The following ACSM3 variants were observed in gnomAD, a reference collection of about 807,000 sequenced individuals.
The protein encoded by ACSM3 is acyl-coenzyme A synthetase ACSM3, mitochondrial.
Under a neutral mutation model 74.1 loss-of-function variants are expected in ACSM3, and 61 were observed. That is an observed-to-expected ratio of 0.82 (90% CI 0.67 to 1.02). The LOEUF is 1.02. Among genes scored for constraint, ACSM3 ranks in the 50% least tolerant of loss-of-function variants. The pLI is 0.00. For missense variants in ACSM3, 660 were observed against 697.0 expected (o/e 0.95, Z 0.60); for synonymous variants, 213 against 241.5 (o/e 0.88, Z 1.09).
intron 12 of ACSM3, among the ~76,000 whole-genome samples, chr16:20,794,331 A>G (rs760435003): frequency 6.6e-6 from 1 of 152,214 alleles, no homozygotes; most frequent in Non-Finnish European, 1.5e-5. Flanking sequence ...TTGGGATCAC[A>G]TATCTCTTTG....
At chr16:20,748,552 A>G (rs1384491040) in intron 1 of ACSM3, among the ~76,000 whole-genome samples, 2 of 152,240 alleles carry the variant, frequency 1.3e-5, no homozygotes, top group African/African-American at 4.8e-5. Context: ...TCAGTTGCAC[A>G]TACAAATATT....
At chr16:20,738,105 A>G in intron 1 of ACSM3, 1 of 797,730 alleles carries the variant, frequency 1.3e-6, no homozygotes, top group Non-Finnish European at 2.1e-6. Flanking sequence ...TTCTTTCCAA[A>G]CAGTATTTCT....
intron 1 of ACSM3, chr16:20,737,323 A>T (rs2079879629): frequency 6.4e-7 from 1 of 1,561,512 alleles, no homozygotes; most frequent in Non-Finnish European, 8.6e-7. Flanking sequence ...GCTGAGGAGG[A>T]TACCATTACA....
chr16:20,721,951 T>TA (rs1390753763), intron 1 of ACSM3: 1 of 152,228 alleles, frequency 6.6e-6, no homozygotes, highest in African/African-American at 2.4e-5. Context: ...TGATTGATGT[T>TA]ACGGTCTGAG....
Position 20,777,530 on chromosome 16 carries a change from T to C in ACSM3, c.588T>C (p.Ile196=), listed in dbSNP as rs5714. 8.9e-3 allele frequency: 14,356 copies of C among 1,613,994 alleles called. 1,132 individuals are homozygous for C. In the African/African-American group the frequency reaches 0.17, roughly 19 times the overall value. Residue 196 remains isoleucine, a synonymous_variant, in exon 4 of 14, where the codon ATT becomes ATC. Coordinates refer to ENST00000289416, the MANE Select transcript of ACSM3 (RefSeq NM_005622.4). The stretch of plus-strand genomic sequence containing the variant: ...GTGAAAATCTGCACTCCAAGCTGAT[T>C]GTATCAGAGAACTCCAGAGAGGGGT... ...SKCENLHSKL[I]VSENSREGWG... is the part of the protein sequence containing the mutation.
chr16:20,735,768 T>G (rs961802683), intron 1 of ACSM3: 1 of 152,240 alleles, frequency 6.6e-6, no homozygotes, highest in Non-Finnish European at 1.5e-5. Context: ...TCATCCTGGA[T>G]AGAGAAGCTG....
chr16:20,792,622 A>G (rs2080627953), intron 12 of ACSM3: 3 of 985,410 alleles, frequency 3.0e-6, no homozygotes, highest in Non-Finnish European at 3.6e-6. Context: ...CCAGTAACCC[A>G]GGCTCACGTC....
rs573634081 is a variant in ACSM3 at position 20,792,069 on chromosome 16, T to C, written c.1394T>C (p.Met465Thr). Reference protein sequence around the residue: ...NFYITGDRGYMDKDGYFWFVA... With the variant: ...NFYITGDRGYTDKDGYFWFVA... ...TATATCACTGGGGACAGAGGATATATGGATAAAGATGGGTATTTCTGGTTT... is the reference window on the plus strand; with the variant it reads ...TATATCACTGGGGACAGAGGATATACGGATAAAGATGGGTATTTCTGGTTT... The change falls in exon 11 of 14, where the codon ATG becomes ACG. Residue 465 changes from methionine (M) to threonine (T), a missense_variant. Transcript: ENST00000289416. The C allele has an allele frequency of 6.2e-7, 1 of 1,614,170 alleles. No homozygotes were observed. Among genetic ancestry groups the C allele is most frequent in the East Asian group, 2.2e-5 (1 of 44,888 alleles).
At chr16:20,784,841 G>A (rs2080435554) in intron 7 of ACSM3, 143 bp from the exon 8 acceptor site, 1 of 722,682 alleles carries the variant, frequency 1.4e-6, no homozygotes, top group Non-Finnish European at 2.1e-6. Context: ...ATGTTTATGG[G>A]GTAAAATGGT....
At chr16:20,747,630 A>G (rs1174799314) in intron 1 of ACSM3, among the ~76,000 whole-genome samples, 4 of 152,208 alleles carry the variant, frequency 2.6e-5, no homozygotes, top group African/African-American at 9.6e-5. Flanking sequence ...TTCTTTGAGC[A>G]CTTCTAGATC....
intron 1 of ACSM3, among the ~76,000 whole-genome samples, chr16:20,724,474 C>G (rs1384479250): frequency 6.6e-6 from 1 of 152,180 alleles, no homozygotes; most frequent in Non-Finnish European, 1.5e-5. Flanking sequence ...TGGCACAAGA[C>G]AGGGATGCCC....
chr16:20,698,899 T>A (rs958871322), intron 1 of ACSM3: 1 of 152,198 alleles, frequency 6.6e-6, no homozygotes, highest in Admixed American at 6.5e-5. Context: ...TAGAACTAGA[T>A]GAAATAATTT....
chr16:20,771,099 C>T (rs2080187642), intron 2 of ACSM3, among the ~76,000 whole-genome samples: 1 of 152,136 alleles, frequency 6.6e-6, no homozygotes, highest in Non-Finnish European at 1.5e-5. Context: ...TCTATGAGCT[C>T]TTTTCAGGCT....
upstream of ACSM3, among the ~76,000 whole-genome samples, chr16:20,759,559 CAAAA>C (rs35117717): frequency 3.9e-5 from 3 of 76,142 alleles, no homozygotes; most frequent in South Asian, 4.4e-4. Context: ...GACTCCATCT[CAAAA>C]AAAAAAAAAA....
intron 1 of ACSM3, among the ~76,000 whole-genome samples, chr16:20,713,575 A>G (rs2079751132): frequency 6.6e-6 from 1 of 152,142 alleles, no homozygotes; most frequent in East Asian, 1.9e-4. Context: ...CATAATTTTC[A>G]ATTCTTGTCT....
At position 20,784,688 on chromosome 16, in the gene ACSM3, G is replaced by A. The variant is rs964388948; in HGVS notation, c.1020-296G>A. 2.9e-5 allele frequency: 5 copies of A among 171,596 alleles called. No individual in the cohort carries two copies. In the East Asian group the frequency reaches 4.9e-4, roughly 17 times the overall value. 10.6% of individuals were successfully genotyped at this position (171,596 alleles called of 1,614,324 possible). A position where few individuals can be genotyped will look rare whatever the true frequency, so the allele number is the denominator to read the frequency against. On this transcript the variant is annotated intron_variant, in intron 7 of 13. Coordinates refer to ENST00000289416, the MANE Select transcript of ACSM3 (RefSeq NM_005622.4). The stretch of plus-strand genomic sequence containing the variant: ...CCCTAAGAACAGAATGACCTTCTTT[G>A]TAATAAATTATACCTCCACCACAAA...
chr16:20,715,432 C>T (rs142007456), intron 1 of ACSM3, among the ~76,000 whole-genome samples: 10 of 152,106 alleles, frequency 6.6e-5, no homozygotes, highest in East Asian at 1.9e-4. Context: ...GGTGAAACCC[C>T]GTCTCCACTA....
At chr16:20,736,322 C>A (rs1187076943) in intron 1 of ACSM3, 1 of 149,558 alleles carries the variant, frequency 6.7e-6, no homozygotes, top group Non-Finnish European at 1.5e-5. Context: ...GTCTCTCTCA[C>A]ATCTTGCCTT....
At chr16:20,793,835 G>C (rs948079337) in intron 12 of ACSM3, among the ~76,000 whole-genome samples, 4 of 152,182 alleles carry the variant, frequency 2.6e-5, no homozygotes, top group Admixed American at 6.5e-5. Context: ...GTCATCATCA[G>C]TTTTACCCAC....
Sources: gnomAD v4.1 joint callset for allele counts (sites outside exome capture counted in the v4.1 genomes callset) on GRCh38, gnomAD v4.1.1 for gene constraint, MANE v1.5 for transcripts, NCBI Gene and HGNC (gene_info 2026-07-23, HGNC 2026-07-21) for gene names.